Variants in UPF1 observed in about 807,000 individuals in gnomAD.
UPF1 encodes the protein UPF1 RNA helicase and ATPase.
A neutral mutation model predicts 129.2 loss-of-function variants in UPF1; 9 were observed. The observed-to-expected ratio is 0.07, with a 90% CI of 0.04 to 0.12. The LOEUF (loss-of-function observed/expected upper bound fraction) is 0.12, where lower values mean the gene tolerates loss of function less well. Ranked by LOEUF, UPF1 falls within the 10% of genes least tolerant of loss-of-function variation. UPF1 has a pLI of 1.00. For missense variants in UPF1, 788 were observed against 1,525.3 expected (o/e 0.52, Z 8.05); for synonymous variants, 649 against 644.9 (o/e 1.01, Z -0.10).
intron 17 of UPF1, among the ~76,000 whole-genome samples, 186 bp from the exon 18 acceptor site, chr19:18,861,824 T>G (rs945872225): frequency 2.0e-5 from 3 of 152,126 alleles, no homozygotes; most frequent in African/African-American, 7.2e-5. Flanking sequence ...CAAGATCCTG[T>G]CTCTAAAAAA....
At position 18,855,969 on chromosome 19, in the gene UPF1, T is replaced by C; in HGVS notation, c.1589T>C (p.Leu530Pro). The stretch of plus-strand genomic sequence containing the variant: ...CCGAGCAACATCGCCGTGGACCAGC[T>C]AACGGAGAAGATCCACCAGACGGGG... ...CAPSNIAVDQ[L>P]TEKIHQTGLK... Residue 530 changes from leucine (L) to proline (P), a missense_variant, in exon 12 of 24, where the codon CTA becomes CCA. This residue lies in a region of UPF1 where 91 missense variants were observed against 157.2 expected (regional missense o/e 0.58). Transcript: ENST00000262803. 1 of 1,613,972 alleles carries C rather than the reference T, an allele frequency of 6.2e-7. No individual in the cohort carries two copies. Among genetic ancestry groups the C allele is most frequent in the Non-Finnish European group, 8.5e-7 (1 of 1,180,032 alleles).
At position 18,832,176 on chromosome 19, in the gene UPF1, C is replaced by G; in HGVS notation, c.-34C>G. The stretch of plus-strand genomic sequence containing the variant: ...CGCGGCGGCGGGCTCGAGTGCAGCG[C>G]GGAACCGGCCCGAGGGCCCTACCCG... On this transcript the variant is annotated 5_prime_UTR_variant, in exon 1 of 24. Transcript: ENST00000262803. This position sits in a 1 kb window ranked among gnomAD's most constrained non-coding sequence, Gnocchi z 5.6. 6.6e-7 allele frequency: 1 copy of G among 1,506,704 alleles called. No individual in the cohort carries two copies. The highest frequency in any genetic ancestry group is 1.2e-5 in the South Asian group (1 of 82,808). 93.3% of individuals were successfully genotyped at this position (1,506,704 alleles called of 1,614,324 possible).
At chr19:18,852,372 G>A (rs951762842) in intron 6 of UPF1, 76 bp downstream of exon 6, 10 of 1,573,256 alleles carry the variant, frequency 6.4e-6, no homozygotes, top group Non-Finnish European at 7.7e-6. Context: ...CCAGAGGGAG[G>A]TTTTCTCTCC....
chr19:18,863,655 G>A (rs149887625), intron 19 of UPF1, 43 bp downstream of exon 19: 35 of 1,568,800 alleles, frequency 2.2e-5, no homozygotes, highest in Admixed American at 7.2e-5. Context: ...GGAGAAACCC[G>A]GGCCCAAAAC....
In UPF1 at chr19:18,832,045, A is replaced by C. The variant is rs1304403918; in HGVS notation, c.-165A>C. The C allele has an allele frequency of 5.7e-6, 3 of 529,920 alleles. No homozygotes were observed. The highest frequency in any genetic ancestry group is 4.8e-5 in the Admixed American group (1 of 20,864). 32.8% of individuals were successfully genotyped at this position (529,920 alleles called of 1,614,324 possible). A position where few individuals can be genotyped will look rare whatever the true frequency, so the allele number is the denominator to read the frequency against. ...TCGGCGGCAGCGGCGGCGGCTCGGC[A>C]CTGTTACCTCTCGGTCCGGCTGGCG... On this transcript the variant is annotated 5_prime_UTR_variant, in exon 1 of 24. Coordinates refer to ENST00000262803, the MANE Select transcript of UPF1 (RefSeq NM_002911.4). This position sits in a 1 kb window ranked among gnomAD's most constrained non-coding sequence, Gnocchi z 5.6.
chr19:18,852,176 G>C lies in UPF1; in HGVS notation c.852G>C (p.Gly284=). The C allele has an allele frequency of 6.2e-7, 1 of 1,613,308 alleles. No individual in the cohort carries two copies. The highest frequency in any genetic ancestry group is 8.5e-7 in the Non-Finnish European group (1 of 1,179,490). Residue 284 remains glycine (G), a synonymous_variant, in exon 6 of 24, where the codon GGG becomes GGC. Coordinates refer to ENST00000262803, the MANE Select transcript of UPF1 (RefSeq NM_002911.4). ...SATLEDLEKP[G]VDEEPQHVLL... ...CGCTGGAGGACCTGGAGAAGCCGGG[G>C]GTGGACGAGGAGCCGCAGCATGTCC...
intron 1 of UPF1, among the ~76,000 whole-genome samples, chr19:18,842,345 T>A (rs2055550762): frequency 6.6e-6 from 1 of 152,118 alleles, no homozygotes; most frequent in Admixed American, 6.6e-5. Flanking sequence ...CTGGGTGCGC[T>A]CATGAGCCAG....
Position 18,860,866 on chromosome 19 carries a change from C to T in UPF1, c.2341C>T (p.Leu781=). Residue 781 remains leucine (L), a synonymous_variant, in exon 17 of 24, where the codon CTG becomes TTG. Coordinates refer to ENST00000262803, the MANE Select transcript of UPF1 (RefSeq NM_002911.4). ...ANVEKITTKL[L]KAGAKPDQIG... ...CGTGGAGAAGATCACCACGAAGTTG[C>T]TGAAGGCAGGCGCCAAGCCGGACCA... The T allele has an allele frequency of 6.2e-7, 1 of 1,611,730 alleles. No individual in the cohort carries two copies. Among genetic ancestry groups the T allele is most frequent in the South Asian group, 1.1e-5 (1 of 90,676 alleles).
At chr19:18,840,343 G>C (rs1284853030) in intron 1 of UPF1, among the ~76,000 whole-genome samples, 1 of 152,210 alleles carries the variant, frequency 6.6e-6, no homozygotes, top group Admixed American at 6.5e-5. Context: ...AGCAGCTCCA[G>C]CTCCTGCCTG....
At position 18,850,607 on chromosome 19, in the gene UPF1, G is replaced by A; in HGVS notation, c.630-81G>A. ...GCAGGGCATGCCCCTTTGGGTGAAA[G>A]GTCAGCATGGGAGGGGGCCCTCCCT... On this transcript the variant is annotated intron_variant, in intron 4 of 23. Transcript: ENST00000262803. The surrounding 1 kb of genome is among the most constrained non-coding windows in gnomAD (Gnocchi z 7.1). The A allele has an allele frequency of 6.9e-7, 1 of 1,441,794 alleles. No individual in the cohort carries two copies. Among genetic ancestry groups the A allele is most frequent in the Non-Finnish European group, 9.1e-7 (1 of 1,094,070 alleles). 89.3% of individuals were successfully genotyped at this position (1,441,794 alleles called of 1,614,324 possible).
rs2055663207 is a variant in UPF1 at position 18,851,960 on chromosome 19, C to T, written c.811-175C>T. Among the ~76,000 whole-genome samples, 1 of 152,192 alleles carries T rather than the reference C, an allele frequency of 6.6e-6. No individual in the cohort carries two copies. The highest frequency in any genetic ancestry group is 2.4e-5 in the African/African-American group (1 of 41,438). ...AGCTCCCTGTGTGGCATGGAGTTCC[C>T]GTTCCCAGGGTTCTCCTTGCAGGTG... On this transcript the variant is annotated intron_variant, in intron 5 of 23. Transcript: ENST00000262803. This position sits in a 1 kb window ranked among gnomAD's most constrained non-coding sequence, Gnocchi z 4.2.
chr19:18,850,490 T>C lies in UPF1; in HGVS notation c.630-198T>C, dbSNP rs1043263789. 4.6e-5 allele frequency among the ~76,000 whole-genome samples: 7 copies of C among 152,284 alleles called. No homozygotes were observed. The highest frequency in any genetic ancestry group is 2.6e-4 in the Admixed American group (4 of 15,288). On this transcript the variant is annotated intron_variant, in intron 4 of 23. Transcript: ENST00000262803. The surrounding 1 kb of genome is among the most constrained non-coding windows in gnomAD (Gnocchi z 7.1). ...AAAACAATTCTGTAAAAACAAAGTC[T>C]GTTCTGAGTTTTAAGAGTTCAGAGC...
At chr19:18,857,835 G>GC (rs1352396625) in intron 15 of UPF1, among the ~76,000 whole-genome samples, 7 of 152,254 alleles carry the variant, frequency 4.6e-5, no homozygotes, top group Non-Finnish European at 1.0e-4. Flanking sequence ...CTGAGCCCGG[G>GC]CCTTAACGTG....
At position 18,832,101 on chromosome 19, in the gene UPF1, G is replaced by T. The variant is rs1323752405; in HGVS notation, c.-109G>T. On this transcript the variant is annotated 5_prime_UTR_variant, in exon 1 of 24. Transcript: ENST00000262803. This position sits in a 1 kb window ranked among gnomAD's most constrained non-coding sequence, Gnocchi z 5.6. Reference sequence around the variant, plus strand: ...GCGCGCGGTTTGGTCCTTTCCGGGCGCGCGGGGGCGACAGCGGCAGCGACC... The same window carrying T: ...GCGCGCGGTTTGGTCCTTTCCGGGCTCGCGGGGGCGACAGCGGCAGCGACC... 8 of 1,093,104 alleles carry T rather than the reference G, an allele frequency of 7.3e-6. No individual in the cohort carries two copies. The highest frequency in any genetic ancestry group is 8.8e-5 in the Admixed American group (2 of 22,744). 67.7% of individuals were successfully genotyped at this position (1,093,104 alleles called of 1,614,324 possible).
At chr19:18,855,773 A>G (rs2055710501) in intron 11 of UPF1, 152 bp from the exon 12 acceptor site, 1 of 1,093,834 alleles carries the variant, frequency 9.1e-7, no homozygotes, top group African/African-American at 1.6e-5. Flanking sequence ...GCTTGAGCCC[A>G]GGATGTTGAG....
chr19:18,839,294 A>G (rs1407759786), intron 1 of UPF1, among the ~76,000 whole-genome samples: 2 of 152,122 alleles, frequency 1.3e-5, no homozygotes, highest in Non-Finnish European at 2.9e-5. Context: ...GGGTTTCACC[A>G]TGTTGGCCAG....
chr19:18,837,576 T>C (rs1202798403), intron 1 of UPF1, among the ~76,000 whole-genome samples: 1 of 152,152 alleles, frequency 6.6e-6, no homozygotes, highest in African/African-American at 2.4e-5. Context: ...GTGGGAAAAA[T>C]GTGTGCCTAT....
At position 18,844,716 on chromosome 19, in the gene UPF1, A is replaced by T. The variant is rs1029065510; in HGVS notation, c.232-1264A>T. ...AGTGGCAGCTCTGTGCCAGCTGAAG[A>T]TGATGACCCTCTTGTCCTTCACCCA... On this transcript the variant is annotated intron_variant, in intron 1 of 23. Coordinates refer to ENST00000262803, the MANE Select transcript of UPF1 (RefSeq NM_002911.4). Among the ~76,000 whole-genome samples the T allele has an allele frequency of 8.5e-5, 13 of 152,222 alleles. No homozygotes were observed. The East Asian group carries it at 1.5e-3, about 18-fold the overall frequency.
At position 18,865,220 on chromosome 19, in the gene UPF1, G is replaced by T; in HGVS notation, c.2858-69G>T. On this transcript the variant is annotated intron_variant, in intron 20 of 23. Coordinates refer to ENST00000262803, the MANE Select transcript of UPF1 (RefSeq NM_002911.4). This position sits in a 1 kb window ranked among gnomAD's most constrained non-coding sequence, Gnocchi z 6.1. ...GCAGCTCCGGCTGACTGGCTGGTGGGGTGGGTGGGGTATCGCTGGGGTTTG... is the reference window on the plus strand; with the variant it reads ...GCAGCTCCGGCTGACTGGCTGGTGGTGTGGGTGGGGTATCGCTGGGGTTTG... 6.6e-7 allele frequency: 1 copy of T among 1,504,630 alleles called. No individual in the cohort carries two copies. Among genetic ancestry groups the T allele is most frequent in the South Asian group, 1.3e-5 (1 of 77,740 alleles). 93.2% of individuals were successfully genotyped at this position (1,504,630 alleles called of 1,614,324 possible).
Sources: allele counts gnomAD v4.1 joint callset (sites outside exome capture counted in the v4.1 genomes callset), GRCh38; gene constraint gnomAD v4.1.1; regional missense constraint gnomAD v4.1.1; non-coding constraint Gnocchi (gnomAD v3.1); transcripts MANE v1.5; gene names NCBI Gene and HGNC (gene_info 2026-07-23, HGNC 2026-07-21).